Variants in BCR observed in about 807,000 individuals in gnomAD.
The protein encoded by BCR is BCR activator of RhoGEF and GTPase.
A neutral mutation model predicts 138.6 loss-of-function variants in BCR; 58 were observed. The observed-to-expected ratio is 0.42, with a 90% CI of 0.34 to 0.52. The LOEUF is 0.52. BCR is among the 20% of genes least tolerant of loss of function. The pLI, the probability that BCR is intolerant of heterozygous loss-of-function variation, is 0.06. For synonymous variants in BCR, 786 were observed against 730.1 expected, an observed-to-expected ratio of 1.08 and a Z score of -1.23; for missense variants, 1,599 against 1,727.2, an observed-to-expected ratio of 0.93 and a Z score of 1.32.
chr22:23,223,674 CCTT>C (rs1254777020), intron 1 of BCR, among the ~76,000 whole-genome samples: 2 of 152,156 alleles, frequency 1.3e-5, no homozygotes, highest in East Asian at 1.9e-4. Context: ...GGATCTGTGA[CCTT>C]CTCCACTCCA....
intron 15 of BCR, among the ~76,000 whole-genome samples, chr22:23,294,785 G>C (rs1357697692): frequency 6.6e-6 from 1 of 152,188 alleles, no homozygotes; most frequent in Non-Finnish European, 1.5e-5. Context: ...AAGGAGTTTG[G>C]ATTAAGTTTG....
At chr22:23,276,074 C>T (rs1252277548) in intron 8 of BCR, among the ~76,000 whole-genome samples, 3 of 152,162 alleles carry the variant, frequency 2.0e-5, no homozygotes, top group Admixed American at 6.5e-5. Context: ...GGTCATGTCT[C>T]GGGGCCACCA....
At chr22:23,253,587 C>T (rs919663109) in intron 1 of BCR, among the ~76,000 whole-genome samples, 1 of 152,180 alleles carries the variant, frequency 6.6e-6, no homozygotes, top group African/African-American at 2.4e-5. Flanking sequence ...CAGAAAGCCC[C>T]TTGTATTGTC....
chr22:23,302,841 CAG>C, intron 16 of BCR: 1 of 152,234 alleles, frequency 6.6e-6, no homozygotes, highest in East Asian at 1.9e-4. Flanking sequence ...ACACAGCAAT[CAG>C]ATTCCTTCCT....
intron 8 of BCR, among the ~76,000 whole-genome samples, chr22:23,279,337 G>A (rs1410392206): frequency 2.6e-5 from 4 of 152,244 alleles, no homozygotes; most frequent in African/African-American, 9.6e-5. Context: ...GCAGGTGAGA[G>A]GGAGGGAAGG....
At chr22:23,263,453 T>C in intron 4 of BCR, 1 of 1,425,474 alleles carries the variant, frequency 7.0e-7, no homozygotes, top group Non-Finnish European at 9.9e-7. Context: ...GAGAGGGGAT[T>C]CTGCTGAAGT....
chr22:23,315,290 A>T (rs180810), intron 22 of BCR, 143 bp from the exon 23 acceptor site: 3 of 538,308 alleles, frequency 5.6e-6, no homozygotes, highest in African/African-American at 2.0e-5. Context: ...CCCCACCCCC[A>T]TCTCACTGTA....
rs1430073625 is a variant in BCR, at chr22:23,317,020, A to C, written c.*1498A>C. 4 of 158,022 alleles carry C rather than the reference A, an allele frequency of 2.5e-5. 1 individual carries two copies. The highest frequency in any genetic ancestry group is 7.8e-5 in the Admixed American group (1 of 12,754). 9.8% of individuals were successfully genotyped at this position (158,022 alleles called of 1,614,324 possible). On this transcript the variant is annotated 3_prime_UTR_variant, in exon 23 of 23. Transcript: ENST00000305877. ...CAGCTGCCCAGAGGGAAGCAGGATC[A>C]CATTTAAGGAAGTGTGTGGGGTCCC...
chr22:23,273,518 G>T, intron 7 of BCR, 116 bp from the exon 8 acceptor site: 1 of 1,373,574 alleles, frequency 7.3e-7, no homozygotes, highest in South Asian at 1.3e-5. Context: ...AGACTGTGGT[G>T]ACACTGAGGG....
intron 22 of BCR, among the ~76,000 whole-genome samples, chr22:23,315,056 G>GA (rs1430560188): frequency 3.9e-5 from 6 of 152,124 alleles, no homozygotes; most frequent in Admixed American, 6.5e-5. Flanking sequence ...CCCATCTCTA[G>GA]AAAAAATAAA....
At chr22:23,287,807 G>A (rs2073735000) in intron 11 of BCR, among the ~76,000 whole-genome samples, 1 of 152,204 alleles carries the variant, frequency 6.6e-6, no homozygotes, top group Non-Finnish European at 1.5e-5. Context: ...GTTCACCTCT[G>A]CAGATCCCAC....
chr22:23,236,136 C>T (rs1602047582), intron 1 of BCR, among the ~76,000 whole-genome samples: 1 of 152,210 alleles, frequency 6.6e-6, no homozygotes, highest in Non-Finnish European at 1.5e-5. Flanking sequence ...CTGAGGTCCT[C>T]TGGGTGCCAC....
At chr22:23,245,003 G>A (rs925859905) in intron 1 of BCR, among the ~76,000 whole-genome samples, 1 of 152,160 alleles carries the variant, frequency 6.6e-6, no homozygotes, top group Non-Finnish European at 1.5e-5. Context: ...AGAAGAGAGG[G>A]GGTTCTCCTC....
chr22:23,208,904 T>A (rs537903407), intron 1 of BCR, among the ~76,000 whole-genome samples: 2 of 152,132 alleles, frequency 1.3e-5, no homozygotes, highest in Non-Finnish European at 2.9e-5. Flanking sequence ...GGCTTTCCAT[T>A]TCCCCTCCCC....
intron 8 of BCR, among the ~76,000 whole-genome samples, chr22:23,274,923 A>AAAAAAAAAGAG (rs2073556651): frequency 7.3e-6 from 1 of 136,280 alleles, no homozygotes; most frequent in South Asian, 2.4e-4. Context: ...AAAAAAAAAA[A>AAAAAAAAAGAG]AAAAAAAAGA....
intron 6 of BCR, among the ~76,000 whole-genome samples, chr22:23,272,057 C>T (rs1207389645): frequency 1.3e-5 from 2 of 152,102 alleles, no homozygotes; most frequent in Non-Finnish European, 2.9e-5. Context: ...GAACTCCTGA[C>T]CTAAAGTGCC....
intron 4 of BCR, chr22:23,263,213 C>T (rs1179492299): frequency 1.1e-6 from 1 of 949,734 alleles, no homozygotes; most frequent in African/African-American, 1.6e-5. Flanking sequence ...GGCCAGCGCT[C>T]TGGCGCCTGC....
chr22:23,226,006 C>T (rs1056088536), intron 1 of BCR, among the ~76,000 whole-genome samples: 1 of 152,258 alleles, frequency 6.6e-6, no homozygotes, highest in Non-Finnish European at 1.5e-5. Flanking sequence ...GGGCTTGGCA[C>T]CCTCCTGTGC....
intron 1 of BCR, among the ~76,000 whole-genome samples, chr22:23,248,364 T>A (rs894135759): frequency 2.2e-4 from 33 of 150,354 alleles, no homozygotes; most frequent in South Asian, 6.3e-4. Context: ...AAAAAAAAAA[T>A]CAGTTATTTT....
Sources: allele counts gnomAD v4.1 joint callset (sites outside exome capture counted in the v4.1 genomes callset), GRCh38; gene constraint gnomAD v4.1.1; transcripts MANE v1.5; gene names NCBI Gene and HGNC (gene_info 2026-07-23, HGNC 2026-07-21).